CD2: variants seen among roughly 807,000 people sequenced by gnomAD.
CD2 encodes the protein T-cell surface antigen CD2.
A neutral mutation model predicts 23.2 loss-of-function variants in CD2; 18 were observed. The ratio of observed to expected loss-of-function variants is 0.77; its 90% CI spans 0.54 to 1.15. CD2 has a LOEUF of 1.15. Ranked by LOEUF, CD2 falls within the 50% of genes most tolerant of loss-of-function variation. The probability of loss-of-function intolerance (pLI) is 0.00; values close to 1 mark genes in which losing one functional copy is unlikely to be tolerated. For missense variants in CD2, 424 were observed against 423.1 expected (o/e 1.00, Z -0.02); for synonymous variants, 162 against 151.9 (o/e 1.07, Z -0.49).
chr1:116,758,520 C>A (rs950103595), intron 2 of CD2, among the ~76,000 whole-genome samples: 2 of 152,106 alleles, frequency 1.3e-5, no homozygotes, highest in African/African-American at 2.4e-5. Flanking sequence ...TGACAACTTT[C>A]CACACCCTAG....
intron 2 of CD2, among the ~76,000 whole-genome samples, chr1:116,755,912 G>A (rs1651832091): frequency 1.3e-5 from 2 of 152,152 alleles, no homozygotes; most frequent in African/African-American, 2.4e-5. Flanking sequence ...CGCTTGACTT[G>A]GGGAGGCAGA....
rs1652305417 is a variant in CD2, at chr1:116,768,811, A to C, written c.*28A>C. 2 of 1,583,002 alleles carry C rather than the reference A, an allele frequency of 1.3e-6. No homozygotes were observed. Among genetic ancestry groups the C allele is most frequent in the South Asian group, 1.2e-5 (1 of 85,762 alleles). On this transcript the variant is annotated 3_prime_UTR_variant, in exon 5 of 5. Coordinates refer to ENST00000369478, the MANE Select transcript of CD2 (RefSeq NM_001767.5). ...AAGATAGAAACTGTCTTTTTCAATA[A>C]AAAGCACTGTGGATTTCTGCCCTCC...
At chr1:116,762,510 G>A (rs1176708467) in intron 3 of CD2, among the ~76,000 whole-genome samples, 1 of 152,178 alleles carries the variant, frequency 6.6e-6, no homozygotes, top group Non-Finnish European at 1.5e-5. Context: ...AGCTGCTCTT[G>A]AAGACCCGAA....
chr1:116,764,243 T>C (rs565705645), intron 3 of CD2, among the ~76,000 whole-genome samples: 1 of 152,208 alleles, frequency 6.6e-6, no homozygotes, highest in South Asian at 2.1e-4. Context: ...GCATGAACAA[T>C]CAGGCATTTC....
chr1:116,761,209 A>G (rs980946855), intron 3 of CD2, among the ~76,000 whole-genome samples: 4 of 152,072 alleles, frequency 2.6e-5, no homozygotes, highest in African/African-American at 4.8e-5. Flanking sequence ...AAACTCCAAG[A>G]CCATAATGGA....
rs1193958289 is a variant in CD2, at chr1:116,754,666, A to G, written c.97A>G (p.Thr33Ala). The change falls in exon 2 of 5, where the codon ACC (threonine) becomes GCC (alanine). Residue 33 changes from threonine (T) to alanine (A), a missense_variant. Coordinates refer to ENST00000369478, the MANE Select transcript of CD2 (RefSeq NM_001767.5). ...VSKEITNALE[T>A]WGALGQDINL... ...CAAAGAGATTACGAATGCCTTGGAA[A>G]CCTGGGGTGCCTTGGGTCAGGACAT... 1.2e-6 allele frequency: 2 copies of G among 1,608,006 alleles called. No individual in the cohort carries two copies. Among genetic ancestry groups the G allele is most frequent in the Non-Finnish European group, 1.7e-6 (2 of 1,178,366 alleles).
chr1:116,761,457 C>T (rs1185480335), intron 3 of CD2, among the ~76,000 whole-genome samples: 1 of 152,202 alleles, frequency 6.6e-6, no homozygotes, highest in Admixed American at 6.5e-5. Context: ...GGATCCACTT[C>T]CAAGTTCATT....
rs757694815 is a variant in CD2 at position 116,764,490 on chromosome 1, G to C, written c.620G>C (p.Gly207Ala). The C allele has an allele frequency of 1.2e-6, 2 of 1,614,016 alleles. No homozygotes were observed. ...ACTTCTCTTCCTTTTGCAGAGAAAG[G>C]TCTGGACATCTATCTCATCATTGGC... is the stretch of plus-strand genomic sequence containing the variant. ...SVEPVSCPEK[G>A]LDIYLIIGIC... Residue 207 changes from glycine (G) to alanine (A), a missense_variant, in exon 4 of 5, where the codon GGT (glycine) becomes GCT (alanine). By Grantham distance (60) the Gly-to-Ala change is moderately conservative. Coordinates refer to ENST00000369478, the MANE Select transcript of CD2 (RefSeq NM_001767.5).
At chr1:116,756,984 A>T (rs1651871130) in intron 2 of CD2, among the ~76,000 whole-genome samples, 3 of 146,996 alleles carry the variant, frequency 2.0e-5, no homozygotes, top group African/African-American at 7.6e-5. Flanking sequence ...TGTTTCTCCA[A>T]GCTTCTCTTT....
rs751764336 is a variant in CD2, at chr1:116,754,908, A to G, written c.339A>G (p.Lys113=). The part of the protein sequence containing the change: ...DIYKVSIYDT[K]GKNVLEKIFD... ...ACAAGGTATCAATATATGATACAAA[A>G]GGAAAAAATGTGTTGGAAAAAATAT... Residue 113 remains lysine, a synonymous_variant, in exon 2 of 5, where the codon AAA becomes AAG. Coordinates refer to ENST00000369478, the MANE Select transcript of CD2 (RefSeq NM_001767.5). The G allele has an allele frequency of 5.6e-6, 9 of 1,601,292 alleles. No individual in the cohort carries two copies. In the Admixed American group the frequency reaches 1.6e-4, roughly 28 times the overall value.
At chr1:116,765,219 C>G (rs1174317282) in intron 4 of CD2, among the ~76,000 whole-genome samples, 2 of 152,190 alleles carry the variant, frequency 1.3e-5, no homozygotes, top group African/African-American at 4.8e-5. Context: ...ATCCAGGCCA[C>G]CCAAGGCAGA....
At chr1:116,758,546 T>A (rs1557916171) in intron 2 of CD2, among the ~76,000 whole-genome samples, 2 of 151,976 alleles carry the variant, frequency 1.3e-5, no homozygotes, top group Non-Finnish European at 1.5e-5. Flanking sequence ...CAACCTTGAG[T>A]GGAGAGCACC....
intron 2 of CD2, 131 bp from the exon 3 acceptor site, chr1:116,760,271 C>CA (rs1652002036): frequency 1.5e-6 from 1 of 650,666 alleles, no homozygotes; most frequent in Non-Finnish European, 2.7e-6. Flanking sequence ...AAATAATTTC[C>CA]AAAAGTTGCT....
chr1:116,768,766 TC>T lies in CD2; in HGVS notation c.1043del (p.Pro348LeufsTer14). 6.2e-7 allele frequency: 1 copy of T among 1,609,198 alleles called. No homozygotes were observed. The highest frequency in any genetic ancestry group is 8.5e-7 in the Non-Finnish European group (1 of 1,178,384). ...PPHGAAENSL[S>X]PSSN ...CCATGGGGCAGCAGAAAACTCATTGTCCCCTTCCTCTAATTAAAAAAGATAG... is the reference window on the plus strand; with the variant it reads ...CCATGGGGCAGCAGAAAACTCATTGTCCCTTCCTCTAATTAAAAAAGATAG... On this transcript the variant is annotated frameshift_variant, in exon 5 of 5. Transcript: ENST00000369478. LOFTEE classifies it high-confidence loss of function.
At chr1:116,761,253 A>T (rs1211447437) in intron 3 of CD2, among the ~76,000 whole-genome samples, 1 of 152,220 alleles carries the variant, frequency 6.6e-6, no homozygotes, top group Non-Finnish European at 1.5e-5. Flanking sequence ...GACCTCCAGA[A>T]GTATTTCTGA....
rs1287306017 is a variant in CD2 at position 116,764,616 on chromosome 1, C to A, written c.736+10C>A. ...AGGAGTCGGAGAAATGGTAAGCTCC[C>A]CCTCTTTTGTCCCACCGCAGGCCCC... On this transcript the variant is annotated intron_variant, in intron 4 of 4. Transcript: ENST00000369478. 1 of 1,611,578 alleles carries A rather than the reference C, an allele frequency of 6.2e-7. No homozygotes were observed. Among genetic ancestry groups the A allele is most frequent in the East Asian group, 2.2e-5 (1 of 44,870 alleles).
At position 116,769,021 on chromosome 1, in the gene CD2, AAG is replaced by A. The variant is rs1652313634; in HGVS notation, c.*240_*241del. 3 of 516,768 alleles carry A rather than the reference AAG, an allele frequency of 5.8e-6. No individual in the cohort carries two copies. Among genetic ancestry groups the A allele is most frequent in the South Asian group, 2.8e-5 (1 of 35,660 alleles). The allele number at this position is 516,768 out of a possible 1,614,324, so 32.0% of individuals were successfully genotyped here. ...GGAGAAGCAATATAAGTGTGATTGC[AAG>A]AATGGTAGAGGACCGAGCACAGAAA... On this transcript the variant is annotated 3_prime_UTR_variant, in exon 5 of 5. Transcript: ENST00000369478.
rs775184596 is a variant in CD2, at chr1:116,768,447, A to C, written c.737-17A>C. 1 of 1,609,972 alleles carries C rather than the reference A, an allele frequency of 6.2e-7. No individual in the cohort carries two copies. Among genetic ancestry groups the C allele is most frequent in the African/African-American group, 1.3e-5 (1 of 74,666 alleles). Reference sequence around the variant, plus strand: ...CACCTGGCCAAGATGAACTCTATTGAGGTTTTGTTGTTGCAGATGAGGAGC... The same window carrying C: ...CACCTGGCCAAGATGAACTCTATTGCGGTTTTGTTGTTGCAGATGAGGAGC... On this transcript the variant is annotated splice_polypyrimidine_tract_variant and intron_variant, in intron 4 of 4. Coordinates refer to ENST00000369478, the MANE Select transcript of CD2 (RefSeq NM_001767.5).
chr1:116,760,872 ATCC>A (rs1652028030), intron 3 of CD2, among the ~76,000 whole-genome samples: 1 of 152,180 alleles, frequency 6.6e-6, no homozygotes, highest in African/African-American at 2.4e-5. Context: ...AATTTTAAAG[ATCC>A]TCTTCTAGGA....
Sources: allele counts gnomAD v4.1 joint callset (sites outside exome capture counted in the v4.1 genomes callset), GRCh38; gene constraint gnomAD v4.1.1; transcripts MANE v1.5; gene names NCBI Gene and HGNC (gene_info 2026-07-23, HGNC 2026-07-21).